The following CHST11 variants were observed in gnomAD, a reference collection of about 807,000 sequenced individuals.
CHST11 encodes the protein carbohydrate sulfotransferase 11, also known as C4S-1.
A neutral mutation model predicts 30.4 loss-of-function variants in CHST11; 9 were observed. That is an observed-to-expected ratio of 0.30 (90% CI 0.18 to 0.52). CHST11 has a LOEUF of 0.52. Among genes scored for constraint, CHST11 ranks in the 20% least tolerant of loss-of-function variants. The pLI is 0.97. For missense variants in CHST11, 348 were observed against 460.6 expected (o/e 0.76, Z 2.24); for synonymous variants, 152 against 187.8 (o/e 0.81, Z 1.56).
chr12:104,526,221 AAAAAAG>A (rs1020497518), intron 1 of CHST11, among the ~76,000 whole-genome samples: 4 of 150,538 alleles, frequency 2.7e-5, no homozygotes, highest in African/African-American at 9.9e-5. Flanking sequence ...TTCTTAAAAA[AAAAAAG>A]AAAAGAAAAG....
chr12:104,557,912 A>G (rs2038473349), intron 1 of CHST11, among the ~76,000 whole-genome samples: 1 of 151,670 alleles, frequency 6.6e-6, no homozygotes, highest in African/African-American at 2.4e-5. Context: ...ACTTGGGGGA[A>G]GGAAGTATAG....
At chr12:104,549,428 G>T (rs919986704) in intron 1 of CHST11, among the ~76,000 whole-genome samples, 1 of 152,186 alleles carries the variant, frequency 6.6e-6, no homozygotes, top group African/African-American at 2.4e-5. Flanking sequence ...TGTTCTAAGG[G>T]ATATTTCTGT....
intron 1 of CHST11, chr12:104,551,940 CT>C (rs1372430305): frequency 2.6e-5 from 4 of 152,378 alleles, no homozygotes; most frequent in Non-Finnish European, 4.4e-5. Flanking sequence ...TGTCTGGGTG[CT>C]GGAAGGGGTA....
In CHST11 at chr12:104,457,363, C is replaced by T. The variant is rs1199231189; in HGVS notation, c.-49C>T. The T allele has an allele frequency of 2.1e-6, 3 of 1,437,130 alleles. No homozygotes were observed. In the African/African-American group the frequency reaches 4.2e-5, roughly 20 times the overall value. 89.0% of individuals were successfully genotyped at this position (1,437,130 alleles called of 1,614,324 possible). A position where few individuals can be genotyped will look rare whatever the true frequency, so the allele number is the denominator to read the frequency against. Reference sequence around the variant, plus strand: ...CGCGGCGGGGTCCCTGCTCCTGCGCCCCGGGCGCGCTTCCCGGACACCCCG... The same window carrying T: ...CGCGGCGGGGTCCCTGCTCCTGCGCTCCGGGCGCGCTTCCCGGACACCCCG... On this transcript the variant is annotated 5_prime_UTR_variant, in exon 1 of 3. Transcript: ENST00000303694.
chr12:104,740,955 G>C (rs1268455186), intron 2 of CHST11, among the ~76,000 whole-genome samples: 1 of 152,210 alleles, frequency 6.6e-6, no homozygotes, highest in Non-Finnish European at 1.5e-5. Flanking sequence ...CGTCCTTCTT[G>C]AAAGAGGAAA....
intron 2 of CHST11, among the ~76,000 whole-genome samples, chr12:104,719,770 C>A (rs1370286662): frequency 6.6e-6 from 1 of 152,162 alleles, no homozygotes; most frequent in Non-Finnish European, 1.5e-5. Flanking sequence ...GATGGACTGG[C>A]CCTGGGCACT....
At chr12:104,692,037 G>C (rs1389805464) in intron 2 of CHST11, among the ~76,000 whole-genome samples, 1 of 152,212 alleles carries the variant, frequency 6.6e-6, no homozygotes, top group East Asian at 1.9e-4. Context: ...TCCTTGTTTT[G>C]ACTTTATCAT....
chr12:104,664,933 C>T (rs941402895), intron 2 of CHST11, among the ~76,000 whole-genome samples: 1 of 152,156 alleles, frequency 6.6e-6, no homozygotes, highest in Admixed American at 6.5e-5. Flanking sequence ...AACCTCAACC[C>T]GGAGGCAAAC....
chr12:104,678,808 A>G (rs2039766508), intron 2 of CHST11, among the ~76,000 whole-genome samples: 1 of 152,188 alleles, frequency 6.6e-6, no homozygotes, highest in Admixed American at 6.5e-5. Flanking sequence ...ACTGTGCGTC[A>G]GGCTCTCGGT....
At chr12:104,639,084 G>C (rs2136073414) in intron 2 of CHST11, among the ~76,000 whole-genome samples, 1 of 152,322 alleles carries the variant, frequency 6.6e-6, no homozygotes, top group South Asian at 2.1e-4. Context: ...AATTGCATGT[G>C]CCTTTCCATG....
intron 2 of CHST11, among the ~76,000 whole-genome samples, chr12:104,650,743 T>A (rs2136081755): frequency 6.6e-6 from 1 of 152,332 alleles, no homozygotes; most frequent in African/African-American, 2.4e-5. Flanking sequence ...GAATTTGATC[T>A]GAGCCTAAAA....
intron 1 of CHST11, among the ~76,000 whole-genome samples, chr12:104,483,829 G>A (rs11112077): frequency 0.19 from 28,838 of 152,072 alleles, 3,463 homozygotes; most frequent in Middle Eastern, 0.3. Flanking sequence ...GCCTGGGGTC[G>A]GGGAGGACTG....
At chr12:104,667,102 A>G (rs952502103) in intron 2 of CHST11, among the ~76,000 whole-genome samples, 2 of 152,170 alleles carry the variant, frequency 1.3e-5, no homozygotes, top group African/African-American at 4.8e-5. Context: ...AGTTATTTTG[A>G]GAGGTAAGTG....
intron 1 of CHST11, among the ~76,000 whole-genome samples, chr12:104,481,580 A>G (rs997479616): frequency 3.9e-5 from 6 of 152,008 alleles, no homozygotes; most frequent in African/African-American, 1.5e-4. Context: ...GCGGTCATGG[A>G]TTCTCTCACG....
intron 2 of CHST11, among the ~76,000 whole-genome samples, chr12:104,670,471 C>CCACA (rs199670859): frequency 1.1e-3 from 167 of 150,382 alleles, no homozygotes; most frequent in African/African-American, 4.0e-3. Context: ...ATGTTCAGAC[C>CCACA]CACACACACA....
intron 1 of CHST11, among the ~76,000 whole-genome samples, chr12:104,509,002 T>A (rs753934888): frequency 5.3e-5 from 8 of 151,954 alleles, no homozygotes; most frequent in Admixed American, 2.6e-4. Context: ...ACTATAATCC[T>A]TCACACCCCT....
chr12:104,624,592 C>T (rs1447885584), intron 2 of CHST11, among the ~76,000 whole-genome samples: 1 of 152,174 alleles, frequency 6.6e-6, no homozygotes, highest in East Asian at 1.9e-4. Flanking sequence ...AATAATCATA[C>T]ATACCTTACA....
At chr12:104,495,599 A>G (rs1374840053) in intron 1 of CHST11, among the ~76,000 whole-genome samples, 1 of 152,210 alleles carries the variant, frequency 6.6e-6, no homozygotes, top group African/African-American at 2.4e-5. Flanking sequence ...CCAATACATA[A>G]ATTAGTACTA....
rs547564867 is a variant in CHST11 at position 104,533,832 on chromosome 12, A to G, written c.119-68074A>G. On this transcript the variant is annotated intron_variant, in intron 1 of 2. Transcript: ENST00000303694. ...CCTCAGCCAATGGATGTTCAGAGAG[A>G]CAGAGACAGGCAGCTTTTCTGGATA... Among the ~76,000 whole-genome samples the G allele has an allele frequency of 5.9e-5, 9 of 152,350 alleles. No individual in the cohort carries two copies. The South Asian group carries it at 1.9e-3, about 32-fold the overall frequency.
Sources: allele counts gnomAD v4.1 joint callset (sites outside exome capture counted in the v4.1 genomes callset), GRCh38; gene constraint gnomAD v4.1.1; transcripts MANE v1.5; gene names NCBI Gene and HGNC (gene_info 2026-07-23, HGNC 2026-07-21).